SORCS1: variants seen among roughly 807,000 people sequenced by gnomAD.
SORCS1 encodes the protein sortilin related VPS10 domain containing receptor 1.
Under a neutral mutation model 146.1 loss-of-function variants are expected in SORCS1, and 60 were observed. The ratio of observed to expected loss-of-function variants is 0.41; its 90% CI spans 0.33 to 0.51. The LOEUF is 0.51. SORCS1 is among the 20% of genes least tolerant of loss of function. The pLI is 0.21. For missense variants in SORCS1, 1,352 were observed against 1,487.6 expected (o/e 0.91, Z 1.50); for synonymous variants, 637 against 584.0 (o/e 1.09, Z -1.31).
chr10:106,575,669 C>A lies in SORCS1; in HGVS notation c.*1751G>T, dbSNP rs1281803193. The A allele has an allele frequency of 2.6e-5, 4 of 152,626 alleles. No homozygotes were observed. Among genetic ancestry groups the A allele is most frequent in the Admixed American group, 2.6e-4 (4 of 15,286 alleles). The allele number at this position is 152,626 out of a possible 1,614,324, so 9.5% of individuals were successfully genotyped here. On this transcript the variant is annotated 3_prime_UTR_variant, in exon 26 of 26. Transcript: ENST00000263054. ...TCTCCTCCTTTATACAGACTTAAATCTTTACTTTAATGATACTATGATACT... is the reference window on the plus strand; with the variant it reads ...TCTCCTCCTTTATACAGACTTAAATATTTACTTTAATGATACTATGATACT...
intron 1 of SORCS1, among the ~76,000 whole-genome samples, chr10:106,978,461 A>G (rs1956124475): frequency 6.6e-6 from 1 of 152,230 alleles, no homozygotes; most frequent in Non-Finnish European, 1.5e-5. Context: ...TTAATCTGAC[A>G]GCCATGTAAG....
intron 3 of SORCS1, among the ~76,000 whole-genome samples, chr10:106,792,593 A>C (rs1946369054): frequency 6.6e-6 from 1 of 152,262 alleles, no homozygotes; most frequent in African/African-American, 2.4e-5. Flanking sequence ...CTCACACCCA[A>C]GTACCTGGTT....
At position 107,035,313 on chromosome 10, in the gene SORCS1, C is replaced by T. The variant is rs182139757; in HGVS notation, c.559-78733G>A. 2.1e-5 allele frequency among the ~76,000 whole-genome samples: 3 copies of T among 143,366 alleles called. No individual in the cohort carries two copies. In the East Asian group the frequency reaches 6.3e-4, roughly 30 times the overall value. 94.1% of individuals were successfully genotyped at this position (143,366 alleles called of 152,430 possible). ...AAACACAGAAAAACTTCACATGTAA[C>T]ATTACGCATGGTTCTCTTTGGAGGA... On this transcript the variant is annotated intron_variant, in intron 1 of 25. Coordinates refer to ENST00000263054, the MANE Select transcript of SORCS1 (RefSeq NM_052918.5).
intron 1 of SORCS1, among the ~76,000 whole-genome samples, chr10:107,027,594 C>T (rs540404712): frequency 1.1e-4 from 17 of 152,230 alleles, no homozygotes; most frequent in Admixed American, 1.0e-3. Flanking sequence ...ACACTCATCC[C>T]CGAGCAGTCG....
intron 2 of SORCS1, among the ~76,000 whole-genome samples, chr10:106,838,610 C>A (rs758856016): frequency 3.9e-5 from 6 of 152,198 alleles, no homozygotes; most frequent in Non-Finnish European, 7.3e-5. Flanking sequence ...TTCCCCTAAC[C>A]CATACTAACC....
In SORCS1 at chr10:106,612,007, A is replaced by G; in HGVS notation, c.2937T>C (p.Leu979=). ...TIAVYEEFRS[L]RLSFSPNLDD... Reference sequence around the variant, plus strand: ...CCAGGTTTGGAGAAAAGGACAAGCGAAGAGACCGGAATTCCTCTGGGGATA... The same window carrying G: ...CCAGGTTTGGAGAAAAGGACAAGCGGAGAGACCGGAATTCCTCTGGGGATA... Residue 979 remains leucine (L), a synonymous_variant, in exon 22 of 26, where the codon CTT becomes CTC. Coordinates refer to ENST00000263054, the MANE Select transcript of SORCS1 (RefSeq NM_052918.5). 3 of 1,614,032 alleles carry G rather than the reference A, an allele frequency of 1.9e-6. No individual in the cohort carries two copies. Among genetic ancestry groups the G allele is most frequent in the Non-Finnish European group, 2.5e-6 (3 of 1,179,918 alleles).
At chr10:106,675,187 T>C in intron 13 of SORCS1, 31 bp from the exon 14 acceptor site, 1 of 1,496,888 alleles carries the variant, frequency 6.7e-7, no homozygotes, top group Non-Finnish European at 9.2e-7. Flanking sequence ...AGTCATCAGA[T>C]CTCCAAAGGA....
At chr10:107,030,007 A>T (rs1371520339) in intron 1 of SORCS1, among the ~76,000 whole-genome samples, 1 of 152,208 alleles carries the variant, frequency 6.6e-6, no homozygotes, top group Non-Finnish European at 1.5e-5. Flanking sequence ...TGAGCCTTGG[A>T]GGGACAGACA....
At chr10:106,697,679 A>G (rs1354691173) in intron 9 of SORCS1, among the ~76,000 whole-genome samples, 1 of 152,160 alleles carries the variant, frequency 6.6e-6, no homozygotes, top group Non-Finnish European at 1.5e-5. Context: ...CGTGCTTTGA[A>G]AGGATTAACT....
chr10:106,704,374 C>T (rs1326573723), intron 8 of SORCS1, among the ~76,000 whole-genome samples: 3 of 152,144 alleles, frequency 2.0e-5, no homozygotes, highest in African/African-American at 7.2e-5. Flanking sequence ...CATTTGATTT[C>T]CACCAAAACT....
chr10:106,777,848 T>C (rs1362420645), intron 3 of SORCS1, among the ~76,000 whole-genome samples: 1 of 152,172 alleles, frequency 6.6e-6, no homozygotes, highest in Non-Finnish European at 1.5e-5. Context: ...GTTGACCTCT[T>C]CCCCATCAAC....
intron 2 of SORCS1, among the ~76,000 whole-genome samples, chr10:106,864,715 C>T (rs915919566): frequency 2.6e-5 from 4 of 152,258 alleles, no homozygotes; most frequent in Middle Eastern, 3.4e-3. Context: ...CCTCACTGAG[C>T]TGGAGCTCCT....
intron 1 of SORCS1, among the ~76,000 whole-genome samples, chr10:106,989,442 A>G (rs549321515): frequency 2.6e-5 from 4 of 152,070 alleles, no homozygotes; most frequent in Admixed American, 2.6e-4. Flanking sequence ...AGCCATCTTC[A>G]AGCATGATCT....
chr10:106,867,563 G>A (rs532615490), intron 2 of SORCS1, among the ~76,000 whole-genome samples: 11 of 152,156 alleles, frequency 7.2e-5, no homozygotes, highest in African/African-American at 2.4e-4. Context: ...GATTACAGGC[G>A]TGAGCCACCG....
intron 1 of SORCS1, among the ~76,000 whole-genome samples, chr10:107,004,113 TG>T (rs2139654966): frequency 7.6e-6 from 1 of 131,542 alleles, no homozygotes; most frequent in African/African-American, 3.0e-5. Flanking sequence ...GAGGCGGAGC[TG>T]GCACTGAGCC....
chr10:106,635,284 A>G (rs996425749), intron 18 of SORCS1, among the ~76,000 whole-genome samples: 3 of 152,196 alleles, frequency 2.0e-5, no homozygotes, highest in African/African-American at 4.8e-5. Flanking sequence ...CCAGGCTCGT[A>G]TATCAGAACC....
At chr10:107,177,692 G>A in the SORCS1 span, among the ~76,000 whole-genome samples, 29 of 152,208 alleles carry the variant, frequency 1.9e-4, no homozygotes, top group South Asian at 2.5e-3. Flanking sequence ...TCAAATCAGC[G>A]CATTTAAAAT....
At chr10:106,801,568 T>C (rs372590236) in intron 3 of SORCS1, among the ~76,000 whole-genome samples, 5 of 144,606 alleles carry the variant, frequency 3.5e-5, no homozygotes, top group Admixed American at 2.8e-4. Context: ...TCGCTCTGTC[T>C]CCCAGGCTGG....
At chr10:106,738,982 C>T (rs1857163768) in intron 5 of SORCS1, among the ~76,000 whole-genome samples, 1 of 152,122 alleles carries the variant, frequency 6.6e-6, no homozygotes, top group South Asian at 2.1e-4. Context: ...GCCGCTGTGG[C>T]CAGCCAGGGA....
Sources: gnomAD v4.1 joint callset for allele counts (sites outside exome capture counted in the v4.1 genomes callset) on GRCh38, gnomAD v4.1.1 for gene constraint, MANE v1.5 for transcripts, NCBI Gene and HGNC (gene_info 2026-07-23, HGNC 2026-07-21) for gene names.